Variants in RTN1 observed in about 807,000 individuals in gnomAD.
RTN1 encodes the protein reticulon-1.
Under a neutral mutation model 65.5 loss-of-function variants are expected in RTN1, and 25 were observed. That is an observed-to-expected ratio of 0.38 (90% CI 0.28 to 0.53). The LOEUF (loss-of-function observed/expected upper bound fraction) is 0.53. RTN1 is among the 20% of genes least tolerant of loss of function. The pLI is 0.79. For missense variants in RTN1, 983 were observed against 1,025.4 expected (o/e 0.96, Z 0.57); for synonymous variants, 471 against 447.6 (o/e 1.05, Z -0.66).
chr14:59,782,343 A>G (rs527950213), intron 1 of RTN1, among the ~76,000 whole-genome samples: 65 of 152,226 alleles, frequency 4.3e-4, no homozygotes, highest in Non-Finnish European at 4.7e-4. Flanking sequence ...CAGCAACACT[A>G]TCTAACAAAA....
At chr14:59,669,933 G>T (rs1367859860) in intron 3 of RTN1, among the ~76,000 whole-genome samples, 1 of 152,124 alleles carries the variant, frequency 6.6e-6, no homozygotes, top group Non-Finnish European at 1.5e-5. Context: ...AAAATCTTCT[G>T]TCTCCATTTT....
chr14:59,667,268 A>G (rs757076525), intron 3 of RTN1, among the ~76,000 whole-genome samples: 45 of 152,334 alleles, frequency 3.0e-4, no homozygotes, highest in Admixed American at 1.0e-3. Flanking sequence ...ACCACGATCA[A>G]GTCGGCTTCA....
At chr14:59,735,758 A>G (rs962069006) in intron 2 of RTN1, among the ~76,000 whole-genome samples, 7 of 152,240 alleles carry the variant, frequency 4.6e-5, no homozygotes, top group African/African-American at 1.7e-4. Context: ...GAGACCTTCA[A>G]TGAGATTTAG....
chr14:59,687,148 T>A (rs1029753771), intron 3 of RTN1, among the ~76,000 whole-genome samples: 1 of 152,244 alleles, frequency 6.6e-6, no homozygotes, highest in African/African-American at 2.4e-5. Flanking sequence ...GGAACCAGTC[T>A]GCACGTGTCA....
At chr14:59,728,551 C>A (rs542468635) in intron 2 of RTN1, among the ~76,000 whole-genome samples, 3 of 152,072 alleles carry the variant, frequency 2.0e-5, no homozygotes, top group African/African-American at 7.2e-5. Context: ...ATAGATGAGA[C>A]GACCTGGGAT....
chr14:59,843,146 A>G (rs371699998), intron 1 of RTN1, among the ~76,000 whole-genome samples: 1 of 152,238 alleles, frequency 6.6e-6, no homozygotes, highest in South Asian at 2.1e-4. Flanking sequence ...TTGCACAGTA[A>G]TTTTTAAAAC....
intron 3 of RTN1, among the ~76,000 whole-genome samples, chr14:59,671,918 A>G (rs1319044493): frequency 1.3e-5 from 2 of 152,240 alleles, no homozygotes; most frequent in African/African-American, 4.8e-5. Context: ...AAACAAAAAC[A>G]AGAAAGCCTG....
intron 3 of RTN1, among the ~76,000 whole-genome samples, chr14:59,676,542 T>C (rs1234664020): frequency 6.6e-6 from 1 of 152,118 alleles, no homozygotes; most frequent in East Asian, 1.9e-4. Context: ...TAATCGATGA[T>C]TGGAAAAGAC....
chr14:59,674,313 T>G (rs1030561844), intron 3 of RTN1, among the ~76,000 whole-genome samples: 1 of 152,184 alleles, frequency 6.6e-6, no homozygotes, highest in Non-Finnish European at 1.5e-5. Flanking sequence ...CAAATTCTAA[T>G]TTAACAAGCA....
intron 1 of RTN1, among the ~76,000 whole-genome samples, chr14:59,787,730 G>A (rs1886277203): frequency 6.6e-6 from 1 of 152,134 alleles, no homozygotes; most frequent in Non-Finnish European, 1.5e-5. Flanking sequence ...TGTGTCTGGG[G>A]TCTCATGTAG....
chr14:59,750,806 T>C (rs1462242081), intron 1 of RTN1, among the ~76,000 whole-genome samples: 3 of 137,224 alleles, frequency 2.2e-5, no homozygotes, highest in East Asian at 2.1e-4. Flanking sequence ...CCTCAACCTA[T>C]AGGCTCAAAA....
At chr14:59,722,154 G>A (rs1884661739) in intron 3 of RTN1, among the ~76,000 whole-genome samples, 1 of 152,168 alleles carries the variant, frequency 6.6e-6, no homozygotes, top group Non-Finnish European at 1.5e-5. Flanking sequence ...GAGTCCTGGA[G>A]GTTGAGTGTT....
chr14:59,786,506 A>G (rs1886252058), intron 1 of RTN1, among the ~76,000 whole-genome samples: 1 of 152,214 alleles, frequency 6.6e-6, no homozygotes, highest in Non-Finnish European at 1.5e-5. Flanking sequence ...CACCCAGTAC[A>G]TATTAGTATT....
At chr14:59,634,897 A>G (rs920117998) in intron 3 of RTN1, among the ~76,000 whole-genome samples, 18 of 152,238 alleles carry the variant, frequency 1.2e-4, no homozygotes, top group Non-Finnish European at 2.6e-4. Context: ...GGGAAACTTA[A>G]TTACAGAAAT....
intron 3 of RTN1, among the ~76,000 whole-genome samples, chr14:59,680,044 C>T (rs1334469434): frequency 6.6e-6 from 1 of 152,116 alleles, no homozygotes; most frequent in Non-Finnish European, 1.5e-5. Context: ...TGCCCTCATA[C>T]CCAATAGCAT....
chr14:59,748,206 T>C (rs1885268216), intron 1 of RTN1, among the ~76,000 whole-genome samples: 1 of 136,370 alleles, frequency 7.3e-6, no homozygotes. Flanking sequence ...AGTCAGTCTG[T>C]GAGGTTTTTT....
In RTN1 at chr14:59,596,582, A is replaced by G; in HGVS notation, c.*163T>C. ...ACACAAGTGACTCAAATATCCTAAG[A>G]GTACAAGGAACAGCCTAAAAACAGC... On this transcript the variant is annotated 3_prime_UTR_variant, in exon 9 of 9. Transcript: ENST00000267484. 1 of 603,464 alleles carries G rather than the reference A, an allele frequency of 1.7e-6. No homozygotes were observed. The highest frequency in any genetic ancestry group is 3.0e-6 in the Non-Finnish European group (1 of 330,528). 37.4% of individuals were successfully genotyped at this position (603,464 alleles called of 1,614,324 possible).
intron 3 of RTN1, among the ~76,000 whole-genome samples, chr14:59,643,263 T>A (rs1425972094): frequency 6.6e-6 from 1 of 151,444 alleles, no homozygotes; most frequent in Non-Finnish European, 1.5e-5. Context: ...AAAAAAAAAA[T>A]TCAGGCATGG....
chr14:59,632,744 T>C (rs1882581028), intron 3 of RTN1, among the ~76,000 whole-genome samples: 2 of 152,150 alleles, frequency 1.3e-5, no homozygotes, highest in South Asian at 4.1e-4. Flanking sequence ...AAGCTCTCTT[T>C]AAAGTGGAGG....
Sources: gnomAD v4.1 joint callset for allele counts (sites outside exome capture counted in the v4.1 genomes callset) on GRCh38, gnomAD v4.1.1 for gene constraint, MANE v1.5 for transcripts, NCBI Gene and HGNC (gene_info 2026-07-23, HGNC 2026-07-21) for gene names.